The following UBP1 variants were observed in gnomAD, a reference collection of about 807,000 sequenced individuals.
The protein encoded by UBP1 is upstream-binding protein 1.
In UBP1, 22 loss-of-function variants were observed where a neutral mutation model predicts 76.1. The observed-to-expected ratio is 0.29, with a 90% confidence interval of 0.21 to 0.41. UBP1 has a LOEUF of 0.41. UBP1 is among the 10% of genes least tolerant of loss of function. The probability of loss-of-function intolerance (pLI) is 1.00; values close to 1 mark genes in which losing one functional copy is unlikely to be tolerated. For missense variants in UBP1, 436 were observed against 668.1 expected (o/e 0.65, Z 3.83); for synonymous variants, 224 against 237.1 (o/e 0.94, Z 0.51).
intron 2 of UBP1, among the ~76,000 whole-genome samples, chr3:33,418,173 C>G (rs1352877961): frequency 6.6e-6 from 1 of 152,162 alleles, no homozygotes; most frequent in Non-Finnish European, 1.5e-5. Context: ...TAAAATTACA[C>G]TCAACCTCAC....
At chr3:33,393,061 G>A (rs2043832452) in intron 14 of UBP1, 1 of 413,700 alleles carries the variant, frequency 2.4e-6, no homozygotes, top group Non-Finnish European at 4.2e-6. Context: ...TCCCTAGAGT[G>A]CCCCAGTGAT....
intron 4 of UBP1, among the ~76,000 whole-genome samples, chr3:33,412,126 G>A (rs948107657): frequency 2.0e-5 from 3 of 149,536 alleles, no homozygotes; most frequent in Non-Finnish European, 4.4e-5. Context: ...GGCGGAGGTT[G>A]CAGTGAGCCA....
intron 1 of UBP1, among the ~76,000 whole-genome samples, chr3:33,437,929 A>G (rs2045228532): frequency 6.6e-6 from 1 of 152,220 alleles, no homozygotes; most frequent in Non-Finnish European, 1.5e-5. Flanking sequence ...TTGAGGACTC[A>G]ATTAAATACG....
At chr3:33,411,887 AT>A (rs138167498) in intron 4 of UBP1, among the ~76,000 whole-genome samples, 200 bp from the exon 5 acceptor site, 16,031 of 151,848 alleles carry the variant, frequency 0.11, 931 homozygotes, top group Admixed American at 0.16. Flanking sequence ...TTTGTATTTC[AT>A]TTTTTTTAAG....
In UBP1 at chr3:33,432,992, ATGAG is replaced by A. The variant is rs896852647; in HGVS notation, c.113+6740_113+6743del. On this transcript the variant is annotated intron_variant, in intron 1 of 15. Transcript: ENST00000283629. ...TAAAAGTTCAACTATGAATACATGA[ATGAG>A]TAATAACTAGTTTTGTCATAGTTCA... Among the ~76,000 whole-genome samples the A allele has an allele frequency of 6.4e-4, 98 of 152,298 alleles. 1 individual carries two copies. Among genetic ancestry groups the A allele is most frequent in the African/African-American group, 2.2e-3 (90 of 41,570 alleles).
intron 8 of UBP1, among the ~76,000 whole-genome samples, chr3:33,405,215 TAAAAC>T (rs1373321410): frequency 6.6e-6 from 1 of 152,164 alleles, no homozygotes; most frequent in Non-Finnish European, 1.5e-5. Flanking sequence ...TTTTCAGGCA[TAAAAC>T]TATGTCATAT....
At chr3:33,418,520 A>G (rs1165042650) in intron 2 of UBP1, among the ~76,000 whole-genome samples, 1 of 151,806 alleles carries the variant, frequency 6.6e-6, no homozygotes, top group Non-Finnish European at 1.5e-5. Context: ...CAGCCTCCCA[A>G]AATGCTGGGA....
chr3:33,411,394 G>A (rs181644530), intron 5 of UBP1, among the ~76,000 whole-genome samples, 187 bp downstream of exon 5: 6 of 152,190 alleles, frequency 3.9e-5, no homozygotes, highest in Admixed American at 3.9e-4. Context: ...ATCATAGAAT[G>A]TCTTCATATA....
At chr3:33,427,146 G>T (rs1039656382) in intron 1 of UBP1, among the ~76,000 whole-genome samples, 1 of 152,132 alleles carries the variant, frequency 6.6e-6, no homozygotes, top group East Asian at 1.9e-4. Context: ...TGTATTTTTA[G>T]TAGAGACAGG....
intron 13 of UBP1, among the ~76,000 whole-genome samples, chr3:33,395,012 A>G (rs899192978): frequency 2.0e-5 from 3 of 152,140 alleles, no homozygotes; most frequent in Non-Finnish European, 4.4e-5. Context: ...AAAATATCCA[A>G]TATTTCCCCA....
rs17854431 is a variant in UBP1, at chr3:33,392,567, T to C, written c.1581A>G (p.Val527=). ...ACACACACACATGCAAAGTACCTTTTACTGTGGAGAATAAAAAACAACTCT... is the reference window on the plus strand; with the variant it reads ...ACACACACACATGCAAAGTACCTTTCACTGTGGAGAATAAAAAACAACTCT... The part of the protein sequence containing the change: ...QDESCFLFST[V]KAESSDGIHI... Residue 527 remains valine (V), a synonymous_variant, in exon 15 of 16, where the codon GTA becomes GTG. Coordinates refer to ENST00000283629, the MANE Select transcript of UBP1 (RefSeq NM_014517.5). 6.2e-7 allele frequency: 1 copy of C among 1,611,534 alleles called. No individual in the cohort carries two copies. The highest frequency in any genetic ancestry group is 8.5e-7 in the Non-Finnish European group (1 of 1,179,158).
chr3:33,431,561 C>G (rs967730437), intron 1 of UBP1, among the ~76,000 whole-genome samples: 1 of 151,826 alleles, frequency 6.6e-6, no homozygotes, highest in Non-Finnish European at 1.5e-5. Flanking sequence ...TATGGTGAAA[C>G]CCTGTCTCTA....
intron 5 of UBP1, 32 bp from the exon 6 acceptor site, chr3:33,409,633 A>G: frequency 6.2e-7 from 1 of 1,613,818 alleles, no homozygotes. Flanking sequence ...AATGGATTCA[A>G]AGAACTTCCA....
chr3:33,426,001 ATATATATATATATATAT>A (rs1559690456), intron 1 of UBP1, among the ~76,000 whole-genome samples: 19 of 49,536 alleles, frequency 3.8e-4, no homozygotes, highest in African/African-American at 1.4e-3. Flanking sequence ...CTCTGAATAT[ATATATATATATATATAT>A]ATATATATAT....
rs2043618374 is a variant in UBP1 at position 33,388,698 on chromosome 3, A to G, written c.*1633T>C. 6.6e-6 allele frequency: 1 copy of G among 152,250 alleles called. No individual in the cohort carries two copies. Among genetic ancestry groups the G allele is most frequent in the Admixed American group, 6.5e-5 (1 of 15,288 alleles). 9.4% of individuals were successfully genotyped at this position (152,250 alleles called of 1,614,324 possible). On this transcript the variant is annotated 3_prime_UTR_variant, in exon 16 of 16. Coordinates refer to ENST00000283629, the MANE Select transcript of UBP1 (RefSeq NM_014517.5). ...AGAAAACATGTGGTCACACGAAAGC[A>G]AAGGGAAAAAGTCAGAAAGGAAAAC...
At chr3:33,431,754 A>C (rs1184041995) in intron 1 of UBP1, among the ~76,000 whole-genome samples, 1 of 151,940 alleles carries the variant, frequency 6.6e-6, no homozygotes, top group Non-Finnish European at 1.5e-5. Flanking sequence ...AAAAAAAAAA[A>C]AAACGAAAAA....
rs914930006 is a variant in UBP1 at position 33,411,650 on chromosome 3, C to T, written c.486G>A (p.Thr162=). The T allele has an allele frequency of 3.1e-6, 5 of 1,614,114 alleles. No individual in the cohort carries two copies. Among genetic ancestry groups the T allele is most frequent in the Non-Finnish European group, 2.5e-6 (3 of 1,180,000 alleles). Residue 162 remains threonine, a synonymous_variant, in exon 5 of 16, where the codon ACG becomes ACA. Coordinates refer to ENST00000283629, the MANE Select transcript of UBP1 (RefSeq NM_014517.5). ...PMSVGIIDTR[T]NPSQLNAVEF... ...CAACCGCATTTAACTGGCTTGGATT[C>T]GTCCTTGTGTCAATTATTCCCACAG...
chr3:33,432,082 C>T (rs1468158277), intron 1 of UBP1, among the ~76,000 whole-genome samples: 1 of 152,136 alleles, frequency 6.6e-6, no homozygotes, highest in Admixed American at 6.5e-5. Context: ...AATCTCAACA[C>T]TTTGGGAGGC....
At chr3:33,416,924 A>T in intron 2 of UBP1, 90 bp from the exon 3 acceptor site, 1 of 1,072,578 alleles carries the variant, frequency 9.3e-7, no homozygotes. Flanking sequence ...CTCAGAACAT[A>T]CATTACACAA....
Sources: gnomAD v4.1 joint callset for allele counts (sites outside exome capture counted in the v4.1 genomes callset) on GRCh38, gnomAD v4.1.1 for gene constraint, MANE v1.5 for transcripts, NCBI Gene and HGNC (gene_info 2026-07-23, HGNC 2026-07-21) for gene names.